SORT1: variants seen among roughly 807,000 people sequenced by gnomAD.
The protein encoded by SORT1 is sortilin 1, also known as sortilin.
SORT1 carries 39 observed loss-of-function variants against 101.7 expected under a neutral mutation model. The ratio of observed to expected loss-of-function variants is 0.38; its 90% CI spans 0.30 to 0.50. The LOEUF (loss-of-function observed/expected upper bound fraction) is 0.50. SORT1 is among the 20% of genes least tolerant of loss of function. The pLI is 0.90. For synonymous variants in SORT1, 396 were observed against 393.7 expected (o/e 1.01, Z -0.07); for missense variants, 878 against 1,040.4 (o/e 0.84, Z 2.15).
intron 10 of SORT1, among the ~76,000 whole-genome samples, chr1:109,340,350 T>G (rs996492966): frequency 1.3e-5 from 2 of 152,052 alleles, no homozygotes; most frequent in Non-Finnish European, 2.9e-5. Context: ...CTACCTAGAA[T>G]AGGCAAATTC....
At chr1:109,365,830 T>C (rs1304060178) in intron 3 of SORT1, among the ~76,000 whole-genome samples, 3 of 152,258 alleles carry the variant, frequency 2.0e-5, no homozygotes, top group African/African-American at 2.4e-5. Context: ...CATCAATGTA[T>C]TGAAGGGCAG....
Position 109,313,869 on chromosome 1 carries a change from C to T in SORT1, c.*174G>A. On this transcript the variant is annotated 3_prime_UTR_variant, in exon 20 of 20. Transcript: ENST00000256637. ...CAATTGTAAAAAAGTGCTCAGGGTT[C>T]CCCACCCCCACCCTGCATTTCTTTA... is the stretch of plus-strand genomic sequence containing the variant. 1 of 463,298 alleles carries T rather than the reference C, an allele frequency of 2.2e-6. No individual in the cohort carries two copies. Among genetic ancestry groups the T allele is most frequent in the Non-Finnish European group, 3.9e-6 (1 of 254,822 alleles). The allele number at this position is 463,298 out of a possible 1,614,324, so 28.7% of individuals were successfully genotyped here.
chr1:109,337,110 T>C (rs1291153154), intron 10 of SORT1, among the ~76,000 whole-genome samples: 1 of 152,198 alleles, frequency 6.6e-6, no homozygotes, highest in Non-Finnish European at 1.5e-5. Context: ...TTATTGTCTC[T>C]CCACTACTCC....
Position 109,391,847 on chromosome 1 carries a change from T to C in SORT1, c.306+5740A>G, listed in dbSNP as rs187327075. ...CTGCATACAAATCACTGAGACCACATAGTGGGAAGAACAAGTTTTCACCAA... is the reference window on the plus strand; with the variant it reads ...CTGCATACAAATCACTGAGACCACACAGTGGGAAGAACAAGTTTTCACCAA... On this transcript the variant is annotated intron_variant, in intron 1 of 19. Coordinates refer to ENST00000256637, the MANE Select transcript of SORT1 (RefSeq NM_002959.7). Among the ~76,000 whole-genome samples the C allele has an allele frequency of 4.0e-4, 61 of 152,252 alleles. No homozygotes were observed. In the East Asian group the frequency reaches 8.9e-3, roughly 22 times the overall value.
chr1:109,322,837 G>T, intron 15 of SORT1, 95 bp downstream of exon 15: 1 of 1,026,506 alleles, frequency 9.7e-7, no homozygotes, highest in Non-Finnish European at 1.4e-6. Flanking sequence ...ACCGCACCCG[G>T]CTGGATTTCA....
At chr1:109,393,167 C>T (rs1653012692) in intron 1 of SORT1, 2 of 985,478 alleles carry the variant, frequency 2.0e-6, no homozygotes, top group African/African-American at 1.7e-5. Context: ...AGCAAACAAA[C>T]ACACGCATTC....
At chr1:109,383,482 C>T (rs1557825548) in intron 1 of SORT1, among the ~76,000 whole-genome samples, 4 of 152,190 alleles carry the variant, frequency 2.6e-5, no homozygotes, top group Admixed American at 1.3e-4. Flanking sequence ...GAAAATAAAA[C>T]TACAAAAGAA....
chr1:109,341,565 G>A (rs972248609), intron 9 of SORT1, among the ~76,000 whole-genome samples: 4 of 151,960 alleles, frequency 2.6e-5, no homozygotes, highest in African/African-American at 7.3e-5. Context: ...TAGCCATGAC[G>A]GTCTCGATCT....
chr1:109,316,715 G>C (rs1002786685), intron 17 of SORT1, 135 bp downstream of exon 17: 36 of 609,718 alleles, frequency 5.9e-5, no homozygotes, highest in Non-Finnish European at 1.7e-5. Context: ...ACAGCTTCCT[G>C]TATAAGGGAA....
chr1:109,315,175 GGAA>G (rs975688229), intron 17 of SORT1, among the ~76,000 whole-genome samples: 9 of 152,262 alleles, frequency 5.9e-5, no homozygotes, highest in South Asian at 4.2e-4. Context: ...CCATTATCTG[GGAA>G]GAAGCTGTGT....
intron 1 of SORT1, among the ~76,000 whole-genome samples, chr1:109,388,170 C>G (rs115103911): frequency 1.3e-5 from 2 of 150,714 alleles, no homozygotes; most frequent in African/African-American, 2.4e-5. Flanking sequence ...TGGGCTCAAG[C>G]TATCCTCCTG....
chr1:109,347,719 A>G (rs1380209982), intron 6 of SORT1, among the ~76,000 whole-genome samples, 187 bp from the exon 7 acceptor site: 3 of 152,150 alleles, frequency 2.0e-5, no homozygotes, highest in Non-Finnish European at 4.4e-5. Flanking sequence ...TGCCCGGCCC[A>G]TGTGTTGTCT....
chr1:109,342,681 G>C (rs1649307287), intron 8 of SORT1, among the ~76,000 whole-genome samples: 1 of 152,130 alleles, frequency 6.6e-6, no homozygotes, highest in Non-Finnish European at 1.5e-5. Flanking sequence ...TTCTCTCTAA[G>C]GAAGTCTCTC....
At chr1:109,326,792 G>C in intron 13 of SORT1, 200 bp downstream of exon 13, 2 of 447,742 alleles carry the variant, frequency 4.5e-6, no homozygotes, top group East Asian at 7.0e-5. Flanking sequence ...AAATATGTTA[G>C]CTAAAGGCAG....
At chr1:109,373,749 T>C (rs950493194) in intron 1 of SORT1, among the ~76,000 whole-genome samples, 2 of 152,108 alleles carry the variant, frequency 1.3e-5, no homozygotes, top group South Asian at 4.1e-4. Flanking sequence ...TACAAAAATA[T>C]CTAGCACCCA....
intron 15 of SORT1, among the ~76,000 whole-genome samples, chr1:109,322,679 G>A (rs549258500): frequency 3.4e-4 from 52 of 152,122 alleles, no homozygotes; most frequent in African/African-American, 1.2e-3. Flanking sequence ...ATAGGCGTGC[G>A]CCACCATGCC....
At chr1:109,393,396 G>A (rs1044648906) in intron 1 of SORT1, 9 of 724,292 alleles carry the variant, frequency 1.2e-5, no homozygotes, top group African/African-American at 5.8e-5. Flanking sequence ...TCTGTACACA[G>A]GAATGAGAAG....
chr1:109,347,756 T>G (rs1022296785), intron 6 of SORT1, among the ~76,000 whole-genome samples: 7 of 152,186 alleles, frequency 4.6e-5, no homozygotes, highest in Admixed American at 1.3e-4. Flanking sequence ...TTACGTGAAC[T>G]CTTTCAGGCA....
At chr1:109,329,790 A>G (rs2101558084) in intron 11 of SORT1, among the ~76,000 whole-genome samples, 1 of 152,380 alleles carries the variant, frequency 6.6e-6, no homozygotes, top group East Asian at 1.9e-4. Flanking sequence ...CTTACTTTCA[A>G]TGATAGATCA....
Sources: allele counts gnomAD v4.1 joint callset (sites outside exome capture counted in the v4.1 genomes callset), GRCh38; gene constraint gnomAD v4.1.1; transcripts MANE v1.5; gene names NCBI Gene and HGNC (gene_info 2026-07-23, HGNC 2026-07-21).